Variants in SUGCT observed in about 807,000 individuals in gnomAD.
SUGCT encodes succinyl-CoA:glutarate-CoA transferase.
In SUGCT, 41 loss-of-function variants were observed where a neutral mutation model predicts 55.0. The observed-to-expected ratio is 0.74, with a 90% CI of 0.58 to 0.97. The LOEUF is 0.97. Among genes scored for constraint, SUGCT ranks in the 50% least tolerant of loss-of-function variants. SUGCT has a pLI of 0.00. For missense variants in SUGCT, 568 were observed against 547.8 expected (o/e 1.04, Z -0.37); for synonymous variants, 187 against 200.4 (o/e 0.93, Z 0.56).
intron 12 of SUGCT, among the ~76,000 whole-genome samples, chr7:40,665,712 G>A (rs1284673878): frequency 6.6e-6 from 1 of 152,070 alleles, no homozygotes; most frequent in Non-Finnish European, 1.5e-5. Flanking sequence ...AGGTTGAGGA[G>A]TGGGGATTGG....
At chr7:40,252,672 G>A (rs1027440752) in intron 7 of SUGCT, among the ~76,000 whole-genome samples, 2 of 151,854 alleles carry the variant, frequency 1.3e-5, no homozygotes, top group African/African-American at 4.8e-5. Flanking sequence ...TTTTGAAATA[G>A]GGTCTTGCTG....
chr7:40,455,791 C>A (rs1329974103), intron 10 of SUGCT, among the ~76,000 whole-genome samples: 1 of 152,158 alleles, frequency 6.6e-6, no homozygotes, highest in Non-Finnish European at 1.5e-5. Flanking sequence ...CCTGCATATG[C>A]AAAGATCTTT....
At chr7:40,927,305 G>A in the SUGCT span, among the ~76,000 whole-genome samples, 1 of 152,120 alleles carries the variant, frequency 6.6e-6, no homozygotes, top group Non-Finnish European at 1.5e-5. Context: ...TGAAAACATA[G>A]TCATGTGGAT....
intron 12 of SUGCT, among the ~76,000 whole-genome samples, chr7:40,686,775 C>G (rs1351724118): frequency 6.6e-6 from 1 of 152,120 alleles, no homozygotes; most frequent in East Asian, 1.9e-4. Flanking sequence ...TCAAATTTGG[C>G]ATGTGAATTT....
At chr7:40,427,396 A>T (rs780056589) in intron 9 of SUGCT, among the ~76,000 whole-genome samples, 1 of 152,126 alleles carries the variant, frequency 6.6e-6, no homozygotes, top group Non-Finnish European at 1.5e-5. Context: ...TGGGATTCAG[A>T]CTCAGCTCTG....
At chr7:40,275,723 A>G (rs1178885142) in intron 8 of SUGCT, among the ~76,000 whole-genome samples, 1 of 152,166 alleles carries the variant, frequency 6.6e-6, no homozygotes, top group Non-Finnish European at 1.5e-5. Flanking sequence ...TAACTCCCAG[A>G]AATCTGTTTA....
intron 8 of SUGCT, among the ~76,000 whole-genome samples, chr7:40,277,677 G>GTTATTATTA (rs55772430): frequency 0.29 from 42,399 of 144,620 alleles, 6,467 homozygotes; most frequent in East Asian, 0.44. Context: ...TGTTCTTTTT[G>GTTATTATTA]TTATTATTAT....
At chr7:40,694,845 C>T (rs1371471401) in intron 12 of SUGCT, among the ~76,000 whole-genome samples, 1 of 152,156 alleles carries the variant, frequency 6.6e-6, no homozygotes, top group Non-Finnish European at 1.5e-5. Flanking sequence ...GATGAAATGA[C>T]TACCTTTCTT....
chr7:41,009,461 C>G, the SUGCT span, among the ~76,000 whole-genome samples: 1 of 152,170 alleles, frequency 6.6e-6, no homozygotes, highest in Non-Finnish European at 1.5e-5. Context: ...TGGTTGCTAA[C>G]TTAGAGCACT....
the SUGCT span, among the ~76,000 whole-genome samples, chr7:41,020,635 A>G: frequency 1.3e-5 from 2 of 152,168 alleles, no homozygotes; most frequent in South Asian, 4.1e-4. Flanking sequence ...AAACTGCCAT[A>G]AAAGTAATTA....
intron 6 of SUGCT, 86 bp downstream of exon 6, chr7:40,195,146 T>C (rs1786172833): frequency 8.2e-6 from 11 of 1,336,380 alleles, no homozygotes; most frequent in Non-Finnish European, 9.9e-6. Flanking sequence ...TTGCTGGCTT[T>C]TTTTTTTTTT....
chr7:40,627,181 A>G (rs1393869881), intron 12 of SUGCT, among the ~76,000 whole-genome samples: 1 of 152,222 alleles, frequency 6.6e-6, no homozygotes, highest in South Asian at 2.1e-4. Context: ...TGAAGAAAGA[A>G]TTAGACAAAA....
At chr7:40,433,921 CAG>C in intron 9 of SUGCT, among the ~76,000 whole-genome samples, 1 of 152,046 alleles carries the variant, frequency 6.6e-6, no homozygotes, top group Non-Finnish European at 1.5e-5. Context: ...TAAAATCAAA[CAG>C]AATTTCTTGG....
At chr7:40,955,831 T>C in the SUGCT span, among the ~76,000 whole-genome samples, 4 of 152,208 alleles carry the variant, frequency 2.6e-5, no homozygotes, top group African/African-American at 7.2e-5. Context: ...TGAGAGTTTT[T>C]AGCATGAAGG....
At chr7:40,610,128 C>T (rs1324598384) in intron 12 of SUGCT, among the ~76,000 whole-genome samples, 2 of 152,232 alleles carry the variant, frequency 1.3e-5, no homozygotes, top group Admixed American at 6.5e-5. Flanking sequence ...CAGGACACCA[C>T]TTCCTTCTGG....
chr7:40,841,876 G>C (rs569396151), intron 13 of SUGCT, among the ~76,000 whole-genome samples: 1 of 152,112 alleles, frequency 6.6e-6, no homozygotes, highest in South Asian at 2.1e-4. Context: ...AATATTACTC[G>C]TGTATTTAAT....
At chr7:40,900,588 G>C in the SUGCT span, among the ~76,000 whole-genome samples, 1 of 152,352 alleles carries the variant, frequency 6.6e-6, no homozygotes, top group Admixed American at 6.5e-5. Flanking sequence ...CGCATCGTCT[G>C]TGCCCAAGCC....
intron 8 of SUGCT, among the ~76,000 whole-genome samples, chr7:40,277,677 G>A (rs1180293904): frequency 1.4e-5 from 2 of 144,894 alleles, no homozygotes; most frequent in South Asian, 2.2e-4. Context: ...TGTTCTTTTT[G>A]TTATTATTAT....
At position 40,435,288 on chromosome 7, in the gene SUGCT, A is replaced by G. The variant is rs375148936; in HGVS notation, c.817-13999A>G. On this transcript the variant is annotated intron_variant, in intron 9 of 13. Coordinates refer to ENST00000335693, the MANE Select transcript of SUGCT (RefSeq NM_001193313.2). ...AAATCCTGATAGAAGTATATTCAGC[A>G]TGTCACTTTAACTAATATTCATCCT... Among the ~76,000 whole-genome samples, 26 of 152,318 alleles carry G rather than the reference A, an allele frequency of 1.7e-4. No homozygotes were observed. The East Asian group carries it at 3.7e-3, about 21-fold the overall frequency.
Sources: gnomAD v4.1 joint callset for allele counts (sites outside exome capture counted in the v4.1 genomes callset) on GRCh38, gnomAD v4.1.1 for gene constraint, MANE v1.5 for transcripts, NCBI Gene and HGNC (gene_info 2026-07-23, HGNC 2026-07-21) for gene names.